The following SLX4IP variants were observed in gnomAD, a reference collection of about 807,000 sequenced individuals.
SLX4IP encodes protein SLX4IP.
SLX4IP carries 34 observed loss-of-function variants against 32.9 expected under a neutral mutation model. That is an observed-to-expected ratio of 1.03 (90% CI 0.79 to 1.38). The LOEUF is 1.38. Ranked by LOEUF, SLX4IP falls within the 40% of genes most tolerant of loss-of-function variation. SLX4IP has a pLI of 0.00. For missense variants in SLX4IP, 444 were observed against 479.0 expected (o/e 0.93, Z 0.68); for synonymous variants, 172 against 171.7 (o/e 1.00, Z -0.01).
In SLX4IP at chr20:10,602,300, C is replaced by CTCTG. The variant is rs2066851579; in HGVS notation, c.405+484_405+485insGTCT. Among the ~76,000 whole-genome samples the CTCTG allele has an allele frequency of 5.3e-5, 8 of 151,994 alleles. No homozygotes were observed. The South Asian group carries it at 1.7e-3, about 32-fold the overall frequency. On this transcript the variant is annotated intron_variant, in intron 6 of 7. Coordinates refer to ENST00000334534, the MANE Select transcript of SLX4IP (RefSeq NM_001009608.3). ...TCATTTTCTCCCTCTCTCTCTCTCTCTCTCTCTGTCTCTCTGTCTCTCTGT... is the reference window on the plus strand; with the variant it reads ...TCATTTTCTCCCTCTCTCTCTCTCTCTCTGTCTCTCTGTCTCTCTGTCTCTCTGT...
At chr20:10,501,489 G>A (rs1409240028) in intron 2 of SLX4IP, among the ~76,000 whole-genome samples, 1 of 152,224 alleles carries the variant, frequency 6.6e-6, no homozygotes, top group African/African-American at 2.4e-5. Flanking sequence ...CTGGGGCCCA[G>A]CAATAAAGTG....
chr20:10,580,338 T>TA (rs1163871316), intron 4 of SLX4IP, among the ~76,000 whole-genome samples: 1 of 152,054 alleles, frequency 6.6e-6, no homozygotes, highest in Admixed American at 6.6e-5. Context: ...CAAAAGGACT[T>TA]GTCTGAGTTT....
At position 10,553,986 on chromosome 20, in the gene SLX4IP, T is replaced by A. The variant is rs558763425; in HGVS notation, c.28-2245T>A. ...GTATGAGTGCATTTTACACAGTGTT[T>A]AAAAATTGTTTATTATTGATGTATA... On this transcript the variant is annotated intron_variant, in intron 2 of 7. Coordinates refer to ENST00000334534, the MANE Select transcript of SLX4IP (RefSeq NM_001009608.3). Among the ~76,000 whole-genome samples, 12 of 152,354 alleles carry A rather than the reference T, an allele frequency of 7.9e-5. No individual in the cohort carries two copies. The East Asian group carries it at 1.7e-3, about 22-fold the overall frequency.
intron 1 of SLX4IP, among the ~76,000 whole-genome samples, chr20:10,452,349 G>A (rs187522165): frequency 6.5e-4 from 99 of 152,040 alleles, no homozygotes; most frequent in African/African-American, 2.2e-3. Context: ...TGGGCAAGAT[G>A]GTGAAGCTCC....
chr20:10,573,738 GA>G (rs1200273073), intron 4 of SLX4IP, among the ~76,000 whole-genome samples: 7 of 152,206 alleles, frequency 4.6e-5, no homozygotes, highest in African/African-American at 1.7e-4. Context: ...TTTACAAATA[GA>G]AGTGGATTTC....
rs545595314 is a variant in SLX4IP, at chr20:10,581,970, G to A, written c.239-16705G>A. On this transcript the variant is annotated intron_variant, in intron 4 of 7. Coordinates refer to ENST00000334534, the MANE Select transcript of SLX4IP (RefSeq NM_001009608.3). ...GCTGAGTAATGCCTTGAAAATATTTGCATTTGTAACAGCTGAAGGACAGTG... is the reference window on the plus strand; with the variant it reads ...GCTGAGTAATGCCTTGAAAATATTTACATTTGTAACAGCTGAAGGACAGTG... 4.6e-5 allele frequency among the ~76,000 whole-genome samples: 7 copies of A among 152,212 alleles called. No homozygotes were observed. The East Asian group carries it at 9.7e-4, about 21-fold the overall frequency.
chr20:10,561,165 G>T (rs1474008937), intron 4 of SLX4IP, among the ~76,000 whole-genome samples: 1 of 152,160 alleles, frequency 6.6e-6, no homozygotes, highest in Non-Finnish European at 1.5e-5. Flanking sequence ...TGTATACAAT[G>T]TGTAATTTTC....
chr20:10,562,776 G>T (rs1040982834), intron 4 of SLX4IP, among the ~76,000 whole-genome samples: 1 of 152,100 alleles, frequency 6.6e-6, no homozygotes, highest in African/African-American at 2.4e-5. Context: ...GTATTCCATT[G>T]TGTATACATA....
At chr20:10,567,486 A>C (rs940170823) in intron 4 of SLX4IP, among the ~76,000 whole-genome samples, 2 of 152,146 alleles carry the variant, frequency 1.3e-5, no homozygotes, top group African/African-American at 4.8e-5. Context: ...GGAAACAGAG[A>C]TCAGACTCTC....
intron 6 of SLX4IP, among the ~76,000 whole-genome samples, chr20:10,616,391 GAAAT>G (rs202239370): frequency 0.1 from 13,486 of 131,430 alleles, 1,689 homozygotes; most frequent in African/African-American, 0.31. Flanking sequence ...AAAAAAAAAT[GAAAT>G]AAATAAATAA....
intron 2 of SLX4IP, among the ~76,000 whole-genome samples, chr20:10,531,998 C>T (rs758516181): frequency 6.6e-6 from 1 of 152,154 alleles, no homozygotes; most frequent in South Asian, 2.1e-4. Context: ...ATAACTCCAG[C>T]GTAAGTTTCT....
chr20:10,620,815 A>G (rs1034571705), intron 6 of SLX4IP, among the ~76,000 whole-genome samples: 1 of 152,222 alleles, frequency 6.6e-6, no homozygotes, highest in Non-Finnish European at 1.5e-5. Flanking sequence ...TCGGCCTCCC[A>G]AAGTGCTGGG....
intron 2 of SLX4IP, among the ~76,000 whole-genome samples, chr20:10,521,132 A>T (rs1205770673): frequency 6.6e-6 from 1 of 152,072 alleles, no homozygotes; most frequent in African/African-American, 2.4e-5. Context: ...TTTAATTCCC[A>T]CACCTCTTTT....
chr20:10,541,943 A>C (rs537353144), intron 2 of SLX4IP, among the ~76,000 whole-genome samples: 1 of 152,226 alleles, frequency 6.6e-6, no homozygotes, highest in Non-Finnish European at 1.5e-5. Flanking sequence ...TCTAAAGCCC[A>C]TGCTTTGCAT....
At position 10,623,418 on chromosome 20, in the gene SLX4IP, T is replaced by C. The variant is rs1459393702; in HGVS notation, c.*39T>C. On this transcript the variant is annotated 3_prime_UTR_variant, in exon 8 of 8. Coordinates refer to ENST00000334534, the MANE Select transcript of SLX4IP (RefSeq NM_001009608.3). ...TGTACCGTTGGAGTTGAGGACATAG[T>C]GGCCAAACCTGTGACAAGAGAGCTG... The C allele has an allele frequency of 6.4e-7, 1 of 1,552,710 alleles. No homozygotes were observed. The highest frequency in any genetic ancestry group is 1.4e-5 in the African/African-American group (1 of 72,202).
At chr20:10,511,673 C>A (rs2122430771) in intron 2 of SLX4IP, among the ~76,000 whole-genome samples, 1 of 152,346 alleles carries the variant, frequency 6.6e-6, no homozygotes, top group African/African-American at 2.4e-5. Flanking sequence ...CCCAGCTTCG[C>A]AGATGACACT....
chr20:10,579,370 TA>T (rs1340478242), intron 4 of SLX4IP, among the ~76,000 whole-genome samples: 1 of 152,184 alleles, frequency 6.6e-6, no homozygotes, highest in Non-Finnish European at 1.5e-5. Flanking sequence ...CAGTTGACAA[TA>T]AATGTGAGTG....
At chr20:10,613,749 G>C in intron 6 of SLX4IP, 2 of 1,613,446 alleles carry the variant, frequency 1.2e-6, no homozygotes, top group Admixed American at 3.3e-5. Flanking sequence ...CCTTATCCTG[G>C]GTTCCTCTGT....
chr20:10,502,268 A>G (rs938805946), intron 2 of SLX4IP, among the ~76,000 whole-genome samples: 1 of 152,140 alleles, frequency 6.6e-6, no homozygotes, highest in African/African-American at 2.4e-5. Context: ...TGGGAGGCCC[A>G]TGTGTTTCTG....
Sources: allele counts gnomAD v4.1 joint callset (sites outside exome capture counted in the v4.1 genomes callset), GRCh38; gene constraint gnomAD v4.1.1; transcripts MANE v1.5; gene names NCBI Gene and HGNC (gene_info 2026-07-23, HGNC 2026-07-21).